The following PRSS38 variants were observed in gnomAD, a reference collection of about 807,000 sequenced individuals.
The protein encoded by PRSS38 is serine protease 38.
In PRSS38, 22 loss-of-function variants were observed where a neutral mutation model predicts 26.8. The observed-to-expected ratio is 0.82, with a 90% CI of 0.59 to 1.17. The LOEUF (loss-of-function observed/expected upper bound fraction) is 1.17. Ranked by LOEUF, PRSS38 falls within the 50% of genes most tolerant of loss-of-function variation. The pLI, the probability that PRSS38 is intolerant of heterozygous loss-of-function variation, is 0.00. For synonymous variants in PRSS38, 175 were observed against 172.1 expected (o/e 1.02, Z -0.13); for missense variants, 427 against 422.7 (o/e 1.01, Z -0.09).
intron 3 of PRSS38, among the ~76,000 whole-genome samples, chr1:227,818,680 A>AAAC (rs1664957659): frequency 6.6e-6 from 1 of 151,118 alleles, no homozygotes; most frequent in Non-Finnish European, 1.5e-5. Flanking sequence ...TCTCTCAAAA[A>AAAC]AAAAAAAAAA....
intron 3 of PRSS38, among the ~76,000 whole-genome samples, chr1:227,840,970 CA>C (rs1665329588): frequency 6.6e-6 from 1 of 152,200 alleles, no homozygotes; most frequent in South Asian, 2.1e-4. Context: ...CACCAGCTTC[CA>C]AAACCAAGAC....
At chr1:227,824,527 C>T (rs532258347) in intron 3 of PRSS38, among the ~76,000 whole-genome samples, 1 of 152,046 alleles carries the variant, frequency 6.6e-6, no homozygotes, top group South Asian at 2.1e-4. Flanking sequence ...CTGCAATGGA[C>T]GTTTGCATGC....
In PRSS38 at chr1:227,816,055, G is replaced by A; in HGVS notation, c.149-35G>A. 3.8e-6 allele frequency: 6 copies of A among 1,570,580 alleles called. No homozygotes were observed. Among genetic ancestry groups the A allele is most frequent in the Non-Finnish European group, 5.2e-6 (6 of 1,154,738 alleles). On this transcript the variant is annotated intron_variant, in intron 1 of 4. Transcript: ENST00000366757. The surrounding 1 kb of genome is among the most constrained non-coding windows in gnomAD (Gnocchi z 5.1). ...CTGCCCTACCTCTCCCGTGGCCCCA[G>A]CATGGCTCCACCGTCAGCTCCGTTC...
rs376831279 is a variant in PRSS38 at position 227,846,053 on chromosome 1, G to A, written c.826G>A (p.Gly276Arg). The change falls in exon 5 of 5, where the codon GGA (glycine) becomes AGA (arginine). Residue 276 changes from glycine (G) to arginine (R), a missense_variant. Coordinates refer to ENST00000366757, the Ensembl canonical transcript of PRSS38. The stretch of plus-strand genomic sequence containing the variant: ...AGGCTGCTCCAACCCTCTGTACCCT[G>A]GAGTGTATGCCAGTGTTTCCTATTT... 6 of 1,614,074 alleles carry A rather than the reference G, an allele frequency of 3.7e-6. No homozygotes were observed. The African/African-American group carries it at 8.0e-5, about 22-fold the overall frequency.
chr1:227,823,926 G>T (rs910316122), intron 3 of PRSS38, among the ~76,000 whole-genome samples: 2 of 152,150 alleles, frequency 1.3e-5, no homozygotes, highest in Non-Finnish European at 2.9e-5. Context: ...TGTGAGTGCA[G>T]GTATTTTTTG....
intron 3 of PRSS38, among the ~76,000 whole-genome samples, chr1:227,829,658 A>T (rs1331575532): frequency 6.6e-6 from 1 of 152,184 alleles, no homozygotes. Context: ...TAGCATATTG[A>T]AGTACACTTG....
At chr1:227,834,583 C>T (rs1209276163) in intron 3 of PRSS38, among the ~76,000 whole-genome samples, 20 of 151,944 alleles carry the variant, frequency 1.3e-4, no homozygotes, top group Non-Finnish European at 2.8e-4. Context: ...GCAGGAGGAT[C>T]GTTTGAACCC....
intron 3 of PRSS38, among the ~76,000 whole-genome samples, chr1:227,834,033 G>A (rs1014300903): frequency 1.8e-4 from 27 of 152,228 alleles, no homozygotes; most frequent in African/African-American, 6.0e-4. Flanking sequence ...AGGGGAGAAG[G>A]GACACAGACA....
intron 3 of PRSS38, among the ~76,000 whole-genome samples, chr1:227,845,259 T>TCCTATGTGTGGTCAGGACTCCTC (rs369811387): frequency 1.4e-5 from 2 of 143,338 alleles, no homozygotes; most frequent in East Asian, 2.1e-4. Context: ...ATAGTGGAGC[T>TCCTATGTGTGGTCAGGACTCCTC]CCTATGTGTG....
At chr1:227,840,087 C>CTGTGT (rs1665296508) in intron 3 of PRSS38, among the ~76,000 whole-genome samples, 1 of 152,088 alleles carries the variant, frequency 6.6e-6, no homozygotes, top group South Asian at 2.1e-4. Context: ...TTGCTTGGTT[C>CTGTGT]TGTGTTGTCT....
At chr1:227,826,414 G>A (rs770553528) in intron 3 of PRSS38, among the ~76,000 whole-genome samples, 8 of 152,090 alleles carry the variant, frequency 5.3e-5, no homozygotes, top group Non-Finnish European at 8.8e-5. Context: ...CCAATATTAC[G>A]TTTAATAGAA....
At chr1:227,825,035 TGATA>T (rs1339795849) in intron 3 of PRSS38, among the ~76,000 whole-genome samples, 2 of 152,176 alleles carry the variant, frequency 1.3e-5, no homozygotes, top group African/African-American at 4.8e-5. Context: ...TTCACTCTGA[TGATA>T]GTTTATTTTG....
rs533781299 is a variant in PRSS38 at position 227,815,795 on chromosome 1, C to T, written c.79C>T (p.Pro27Ser). ...TCTGCTGCTGCTCCTGGTGGTGGCC[C>T]CTCCCCGGGTCGCAGCATTGGTCCA... The change falls in exon 1 of 5, where the codon CCT becomes TCT. Residue 27 changes from proline (P) to serine (S), a missense_variant. Physicochemically the swap from Pro to Ser is moderately conservative, Grantham distance 74. Coordinates refer to ENST00000366757, the Ensembl canonical transcript of PRSS38. 9 of 1,612,558 alleles carry T rather than the reference C, an allele frequency of 5.6e-6. No homozygotes were observed. In the African/African-American group the frequency reaches 9.3e-5, roughly 17 times the overall value.
chr1:227,819,274 T>C (rs1309212432), intron 3 of PRSS38, among the ~76,000 whole-genome samples: 1 of 152,228 alleles, frequency 6.6e-6, no homozygotes, highest in Non-Finnish European at 1.5e-5. Flanking sequence ...CTTTTTATAC[T>C]CTAAGTTTGC....
intron 3 of PRSS38, 131 bp downstream of exon 3, chr1:227,817,611 AT>A (rs1416850394): frequency 8.8e-6 from 8 of 910,282 alleles, no homozygotes; most frequent in Non-Finnish European, 1.3e-5. Context: ...ATCAACATTT[AT>A]TTGTTTGTCA....
intron 3 of PRSS38, among the ~76,000 whole-genome samples, chr1:227,825,219 A>G (rs1310242552): frequency 6.6e-6 from 1 of 152,062 alleles, no homozygotes; most frequent in Non-Finnish European, 1.5e-5. Flanking sequence ...AGAGAGTCTC[A>G]GTCTGTCACC....
At chr1:227,845,197 C>T (rs1277524196) in intron 3 of PRSS38, among the ~76,000 whole-genome samples, 1 of 149,286 alleles carries the variant, frequency 6.7e-6, no homozygotes, top group Non-Finnish European at 1.5e-5. Flanking sequence ...TGGGGCTCCT[C>T]CCTATGTGTG....
exon 3 of PRSS38, chr1:227,817,316 C>A (rs149614624): frequency 3.7e-6 from 6 of 1,614,086 alleles, no homozygotes; most frequent in Non-Finnish European, 5.1e-6. Context: ...CTGCACCCCA[C>A]ATATGAGATG....
At chr1:227,841,456 C>T (rs929578556) in intron 3 of PRSS38, among the ~76,000 whole-genome samples, 8 of 152,214 alleles carry the variant, frequency 5.3e-5, no homozygotes, top group African/African-American at 1.7e-4. Context: ...GTGGGAAAGG[C>T]GGGGAAGGGG....
Sources: allele counts gnomAD v4.1 joint callset (sites outside exome capture counted in the v4.1 genomes callset), GRCh38; gene constraint gnomAD v4.1.1; non-coding constraint Gnocchi (gnomAD v3.1); transcripts MANE v1.5; gene names NCBI Gene and HGNC (gene_info 2026-07-23, HGNC 2026-07-21).